Variants in UPF3A observed in about 807,000 individuals in gnomAD.
UPF3A encodes the protein UPF3A regulator of nonsense mediated mRNA decay, also known as regulator of nonsense transcripts 3A.
In UPF3A, 42 loss-of-function variants were observed where a neutral mutation model predicts 53.5. The observed-to-expected ratio is 0.78, with a 90% confidence interval of 0.61 to 1.01. The LOEUF is 1.01. Among genes scored for constraint, UPF3A ranks in the 50% least tolerant of loss-of-function variants. The pLI is 0.00. For missense variants in UPF3A, 575 were observed against 598.0 expected, an observed-to-expected ratio of 0.96 and a Z score of 0.40; for synonymous variants, 237 against 225.3, an observed-to-expected ratio of 1.05 and a Z score of -0.47.
intron 2 of UPF3A, 173 bp downstream of exon 2, chr13:114,282,300 C>G: frequency 1.2e-6 from 1 of 848,528 alleles, no homozygotes; most frequent in Non-Finnish European, 1.7e-6. Context: ...AAAAATACCA[C>G]CAACAAAGAA....
intron 5 of UPF3A, among the ~76,000 whole-genome samples, chr13:114,290,890 C>T (rs559272906): frequency 2.0e-5 from 3 of 152,028 alleles, no homozygotes; most frequent in East Asian, 1.9e-4. Context: ...CGTGCCATCA[C>T]GCCCGGCTAA....
intron 7 of UPF3A, among the ~76,000 whole-genome samples, chr13:114,296,490 C>T (rs553389648): frequency 6.6e-6 from 1 of 152,306 alleles, no homozygotes; most frequent in Non-Finnish European, 1.5e-5. Context: ...ACCCCATACC[C>T]ACCTTGTGCA....
intron 7 of UPF3A, among the ~76,000 whole-genome samples, chr13:114,296,900 T>A (rs1035070896): frequency 6.6e-6 from 1 of 152,346 alleles, no homozygotes; most frequent in South Asian, 2.1e-4. Flanking sequence ...GATTTGCACT[T>A]CCTATGGTTC....
At chr13:114,290,516 G>A (rs998378009) in intron 5 of UPF3A, among the ~76,000 whole-genome samples, 1 of 152,160 alleles carries the variant, frequency 6.6e-6, no homozygotes, top group Non-Finnish European at 1.5e-5. Flanking sequence ...TTGGTGGGAT[G>A]TGGGGCCTGT....
At chr13:114,292,972 T>C (rs1201358111) in intron 7 of UPF3A, among the ~76,000 whole-genome samples, 1 of 148,382 alleles carries the variant, frequency 6.7e-6, no homozygotes, top group Non-Finnish European at 1.5e-5. Flanking sequence ...CTCAGGAGGC[T>C]GAGGCAGGAG....
chr13:114,281,810 C>G lies in UPF3A; in HGVS notation c.171C>G (p.Gly57=). The G allele has an allele frequency of 6.5e-7, 1 of 1,547,332 alleles. No homozygotes were observed. ...TSSSGCGGGA[G]KPREEKRTAL... ...CCTCCGGTTGCGGGGGCGGTGCGGG[C>G]AAACCTCGCGAGGAGAAGAGGACGG... The change falls in exon 1 of 10, where the codon GGC becomes GGG. Residue 57 remains glycine, a synonymous_variant. Transcript: ENST00000375299.
chr13:114,301,333 G>T (rs1287629503), intron 8 of UPF3A, among the ~76,000 whole-genome samples: 2 of 151,892 alleles, frequency 1.3e-5, no homozygotes, highest in Middle Eastern at 3.4e-3. Flanking sequence ...CGTGGTCGCG[G>T]GCACCTGTAG....
At position 114,281,750 on chromosome 13, in the gene UPF3A, G is replaced by C; in HGVS notation, c.111G>C (p.Ser37=). Residue 37 remains serine, a synonymous_variant, in exon 1 of 10, where the codon TCG becomes TCC. Coordinates refer to ENST00000375299, the MANE Select transcript of UPF3A (RefSeq NM_023011.4). ...TAGAAGTGCAGTTCCACCGCGACTC[G>C]CAGCAGCAGGAGGCTGAGACGCCGC... ...SALEVQFHRD[S]QQQEAETPPT... is the part of the protein sequence containing the mutation. 1 of 1,557,670 alleles carries C rather than the reference G, an allele frequency of 6.4e-7. No individual in the cohort carries two copies. Among genetic ancestry groups the C allele is most frequent in the East Asian group, 2.4e-5 (1 of 41,426 alleles).
chr13:114,284,654 G>A (rs558834972), intron 3 of UPF3A, among the ~76,000 whole-genome samples: 7 of 151,860 alleles, frequency 4.6e-5, no homozygotes, highest in South Asian at 2.1e-4. Context: ...AGCCAAGATC[G>A]TGTTACTACA....
At chr13:114,301,486 T>A (rs1481227497) in intron 8 of UPF3A, among the ~76,000 whole-genome samples, 2 of 151,830 alleles carry the variant, frequency 1.3e-5, no homozygotes, top group African/African-American at 4.8e-5. Flanking sequence ...AAAAGTACCT[T>A]AGTATAAGGC....
At position 114,298,935 on chromosome 13, in the gene UPF3A, C is replaced by A. The variant is rs370734483; in HGVS notation, c.942C>A (p.Ser314=). Residue 314 remains serine (S), a synonymous_variant, in exon 8 of 10, where the codon TCC becomes TCA. Transcript: ENST00000375299. Reference sequence around the variant, plus strand: ...ATACTGGAGGTGGCAAGCAGGAATCCTGTGCCCCCGGTGCAGTCGTAAAAG... The same window carrying A: ...ATACTGGAGGTGGCAAGCAGGAATCATGTGCCCCCGGTGCAGTCGTAAAAG... The part of the protein sequence containing the change: ...EIDTGGGKQE[S]CAPGAVVKAR... 42 of 1,610,526 alleles carry A rather than the reference C, an allele frequency of 2.6e-5. No homozygotes were observed. The highest frequency in any genetic ancestry group is 3.4e-5 in the Non-Finnish European group (40 of 1,178,584).
Position 114,282,899 on chromosome 13 carries a change from T to G in UPF3A, c.377T>G (p.Leu126Arg), listed in dbSNP as rs1056239437. ...INFRNPDDIL[L>R]FRDRFDGYIF... Reference sequence around the variant, plus strand: ...TTTAGGAATCCTGATGACATCCTTCTTTTTAGAGATCGTTTTGATGGATAT... The same window carrying G: ...TTTAGGAATCCTGATGACATCCTTCGTTTTAGAGATCGTTTTGATGGATAT... The change falls in exon 3 of 10, where the codon CTT becomes CGT. Residue 126 changes from leucine (L) to arginine (R), a missense_variant. Leu to Arg is a moderately radical substitution (Grantham distance 102). Around this residue, in one of 2 missense-constraint regions of UPF3A, gnomAD observed 252 missense variants for 182.7 expected, o/e 1.38. Coordinates refer to ENST00000375299, the MANE Select transcript of UPF3A (RefSeq NM_023011.4). 14 of 1,612,278 alleles carry G rather than the reference T, an allele frequency of 8.7e-6. No homozygotes were observed. In the African/African-American group the frequency reaches 1.6e-4, roughly 18 times the overall value.
chr13:114,291,431 A>T, intron 5 of UPF3A, 58 bp from the exon 6 acceptor site: 1 of 1,436,444 alleles, frequency 7.0e-7, no homozygotes, highest in Non-Finnish European at 9.5e-7. Context: ...CAAAACAAGT[A>T]TTTAAAATAC....
At chr13:114,286,799 G>A in intron 5 of UPF3A, 170 bp downstream of exon 5, 1 of 617,852 alleles carries the variant, frequency 1.6e-6, no homozygotes, top group South Asian at 2.2e-5. Context: ...ATGGCAGCAT[G>A]GGAAAATATT....
chr13:114,303,429 T>G (rs2086771717), intron 9 of UPF3A, among the ~76,000 whole-genome samples: 1 of 152,154 alleles, frequency 6.6e-6, no homozygotes, highest in Non-Finnish European at 1.5e-5. Flanking sequence ...CTGGCATTTG[T>G]CATGTACTTC....
chr13:114,293,598 G>T (rs188127671), intron 7 of UPF3A, among the ~76,000 whole-genome samples: 1 of 152,226 alleles, frequency 6.6e-6, no homozygotes, highest in East Asian at 1.9e-4. Context: ...TGTGTGAAAT[G>T]TGTTGGCCAG....
rs1047954925 is a variant in UPF3A at position 114,298,929 on chromosome 13, G to A, written c.936G>A (p.Gln312=). The change falls in exon 8 of 10, where the codon CAG becomes CAA. Residue 312 remains glutamine (Q), a synonymous_variant. Transcript: ENST00000375299. The part of the protein sequence containing the change: ...GEEIDTGGGK[Q]ESCAPGAVVK... Reference sequence around the variant, plus strand: ...AGATTGATACTGGAGGTGGCAAGCAGGAATCCTGTGCCCCCGGTGCAGTCG... The same window carrying A: ...AGATTGATACTGGAGGTGGCAAGCAAGAATCCTGTGCCCCCGGTGCAGTCG... The A allele has an allele frequency of 8.1e-6, 13 of 1,610,364 alleles. No individual in the cohort carries two copies. The highest frequency in any genetic ancestry group is 1.1e-5 in the Non-Finnish European group (13 of 1,178,436).
Position 114,298,902 on chromosome 13 carries a change from G to A in UPF3A, c.909G>A (p.Glu303=). The change falls in exon 8 of 10, where the codon GAG becomes GAA. Residue 303 remains glutamate (E), a synonymous_variant. Coordinates refer to ENST00000375299, the MANE Select transcript of UPF3A (RefSeq NM_023011.4). ...CAGAGAAACCAAAAGAAAGAGGAGA[G>A]GAGATTGATACTGGAGGTGGCAAGC... The part of the protein sequence containing the change: ...PTTEKPKERG[E]EIDTGGGKQE... 2.5e-6 allele frequency: 4 copies of A among 1,605,668 alleles called. No individual in the cohort carries two copies. The highest frequency in any genetic ancestry group is 3.4e-6 in the Non-Finnish European group (4 of 1,176,332).
At chr13:114,291,363 A>G (rs79583456) in intron 5 of UPF3A, 126 bp from the exon 6 acceptor site, 1 of 907,688 alleles carries the variant, frequency 1.1e-6, no homozygotes, top group Non-Finnish European at 1.6e-6. Flanking sequence ...CCCTGGAGAC[A>G]GTGTGTAAAT....
Sources: gnomAD v4.1 joint callset for allele counts (sites outside exome capture counted in the v4.1 genomes callset) on GRCh38, gnomAD v4.1.1 for gene constraint, gnomAD v4.1.1 regional missense constraint, MANE v1.5 for transcripts, NCBI Gene and HGNC (gene_info 2026-07-23, HGNC 2026-07-21) for gene names.